The following RALGAPA1 variants were observed in gnomAD, a reference collection of about 807,000 sequenced individuals.
RALGAPA1 encodes the protein Ral GTPase activating protein catalytic subunit alpha 1, also known as ral GTPase-activating protein subunit alpha-1.
Under a neutral mutation model 269.6 loss-of-function variants are expected in RALGAPA1, and 52 were observed. The observed-to-expected ratio is 0.19, with a 90% CI of 0.15 to 0.24. The LOEUF is 0.24. Among genes scored for constraint, RALGAPA1 ranks in the 10% least tolerant of loss-of-function variants. The pLI is 1.00. For missense variants in RALGAPA1, 1,917 were observed against 3,013.9 expected, an observed-to-expected ratio of 0.64 and a Z score of 8.52; for synonymous variants, 817 against 1,008.3, an observed-to-expected ratio of 0.81 and a Z score of 3.60.
chr14:35,708,374 T>C (rs561403833), intron 16 of RALGAPA1, among the ~76,000 whole-genome samples: 14 of 152,120 alleles, frequency 9.2e-5, no homozygotes, highest in African/African-American at 3.4e-4. Context: ...GATTAATAAC[T>C]AGAATACACA....
chr14:35,549,087 C>A, intron 40 of RALGAPA1, 23 bp downstream of exon 40: 1 of 1,608,456 alleles, frequency 6.2e-7, no homozygotes. Flanking sequence ...TAACAAGTAA[C>A]TAATACTCGC....
At position 35,689,696 on chromosome 14, in the gene RALGAPA1, A is replaced by G; in HGVS notation, c.2715T>C (p.Asp905=). The change falls in exon 18 of 42, where the codon GAT becomes GAC. Residue 905 remains aspartate, a synonymous_variant. Transcript: ENST00000680220. ...HSRESSLEVG[D]SIYDHLCHLI... is the part of the protein sequence containing the mutation. Reference sequence around the variant, plus strand: ...AATGACAAAGATGGTCATATATGCTATCACCAACTTCCAGAGAAGACTCTC... The same window carrying G: ...AATGACAAAGATGGTCATATATGCTGTCACCAACTTCCAGAGAAGACTCTC... 1 of 1,401,244 alleles carries G rather than the reference A, an allele frequency of 7.1e-7. No individual in the cohort carries two copies. The highest frequency in any genetic ancestry group is 9.3e-7 in the Non-Finnish European group (1 of 1,079,004). 86.8% of individuals were successfully genotyped at this position (1,401,244 alleles called of 1,614,324 possible). A position where few individuals can be genotyped will look rare whatever the true frequency, so the allele number is the denominator to read the frequency against.
chr14:35,800,812 C>T (rs2141913363), intron 1 of RALGAPA1, among the ~76,000 whole-genome samples: 1 of 152,240 alleles, frequency 6.6e-6, no homozygotes, highest in Non-Finnish European at 1.5e-5. Flanking sequence ...TGAGACCAGC[C>T]TGGCCAACAA....
chr14:35,676,116 A>G (rs1413071300), intron 22 of RALGAPA1: 3 of 152,236 alleles, frequency 2.0e-5, no homozygotes, highest in African/African-American at 7.2e-5. Flanking sequence ...AAATACAATG[A>G]TAAATCAGCC....
chr14:35,720,563 T>C (rs371260716), intron 16 of RALGAPA1, among the ~76,000 whole-genome samples: 13 of 152,348 alleles, frequency 8.5e-5, no homozygotes, highest in African/African-American at 2.9e-4. Context: ...AACCTTGGAA[T>C]AACTTCAGGC....
rs148969403 is a variant in RALGAPA1 at position 35,728,920 on chromosome 14, A to T, written c.1588-410T>A. On this transcript the variant is annotated intron_variant, in intron 12 of 41. Coordinates refer to ENST00000680220, the MANE Select transcript of RALGAPA1 (RefSeq NM_001346249.2). ...AGGCTAATTTTTGTATTTTTACTAG[A>T]GGTAGGGTTTCACTATACTGGCCAG... Among the ~76,000 whole-genome samples, 202 of 152,076 alleles carry T rather than the reference A, an allele frequency of 1.3e-3. 1 individual carries two copies. Among genetic ancestry groups the T allele is most frequent in the African/African-American group, 4.6e-3 (192 of 41,484 alleles).
chr14:35,540,174 T>TAAACA (rs771885230), intron 41 of RALGAPA1, among the ~76,000 whole-genome samples: 15 of 152,028 alleles, frequency 9.9e-5, no homozygotes, highest in African/African-American at 3.4e-4. Context: ...GATGCCCTTA[T>TAAACA]AAACAAAACA....
intron 35 of RALGAPA1, among the ~76,000 whole-genome samples, chr14:35,605,968 G>A (rs1435362632): frequency 2.0e-5 from 3 of 152,138 alleles, no homozygotes; most frequent in East Asian, 3.8e-4. Flanking sequence ...GTTAGATGAA[G>A]GTAAGAAAGA....
Position 35,723,193 on chromosome 14 carries a change from C to T in RALGAPA1, c.1938G>A (p.Leu646=), listed in dbSNP as rs755305263. The change falls in exon 15 of 42, where the codon CTG becomes CTA. Residue 646 remains leucine, a synonymous_variant. Transcript: ENST00000680220. ...AATAGGTCAGCGATGACAATACTGA[C>T]AGTAAGTCATCCCAAAGTTCTCGGG... ...YISRELWDDL[L]SVLSSLTYWE... 9 of 1,613,736 alleles carry T rather than the reference C, an allele frequency of 5.6e-6. No individual in the cohort carries two copies. Among genetic ancestry groups the T allele is most frequent in the Non-Finnish European group, 7.6e-6 (9 of 1,179,706 alleles).
At chr14:35,808,166 G>A (rs1054738835) in intron 1 of RALGAPA1, among the ~76,000 whole-genome samples, 2 of 152,016 alleles carry the variant, frequency 1.3e-5, no homozygotes, top group African/African-American at 4.8e-5. Flanking sequence ...AGAAGCAAAG[G>A]ATGAGTTAAA....
chr14:35,621,898 G>A (rs1193101284), intron 35 of RALGAPA1, among the ~76,000 whole-genome samples: 7 of 152,164 alleles, frequency 4.6e-5, no homozygotes, highest in Admixed American at 2.0e-4. Context: ...AAACAGGAAC[G>A]CTTTTACACT....
intron 17 of RALGAPA1, among the ~76,000 whole-genome samples, chr14:35,694,865 T>G (rs1386621061): frequency 6.6e-6 from 1 of 151,938 alleles, no homozygotes; most frequent in South Asian, 2.1e-4. Flanking sequence ...CCACCTGAGG[T>G]CAAGAGTTCG....
chr14:35,572,490 A>G (rs983456140), intron 38 of RALGAPA1, 70 bp downstream of exon 38: 7 of 1,234,990 alleles, frequency 5.7e-6, no homozygotes, highest in Admixed American at 4.9e-5. Flanking sequence ...ATTCTGTAAC[A>G]TGGAAAGAAA....
At chr14:35,649,107 G>A (rs1322668024) in intron 31 of RALGAPA1, among the ~76,000 whole-genome samples, 1 of 152,092 alleles carries the variant, frequency 6.6e-6, no homozygotes, top group Non-Finnish European at 1.5e-5. Context: ...TTCTAATCAG[G>A]TATATAATTG....
chr14:35,740,605 A>G (rs2415301), intron 11 of RALGAPA1, among the ~76,000 whole-genome samples: 26,521 of 152,074 alleles, frequency 0.17, 4,278 homozygotes, highest in East Asian at 0.45. Context: ...TCAGGAGTTC[A>G]AGACCAGCTG....
rs778162321 is a variant in RALGAPA1 at position 35,756,928 on chromosome 14, T to C, written c.548-20A>G. On this transcript the variant is annotated intron_variant, in intron 6 of 41. Transcript: ENST00000680220. The stretch of plus-strand genomic sequence containing the variant: ...CTTGAGCTATCCAAAGACAAAAGAA[T>C]AGTATATAGTTACAAAACAAATTTA... 7 of 1,540,340 alleles carry C rather than the reference T, an allele frequency of 4.5e-6. 1 individual carries two copies. The Admixed American group carries it at 1.2e-4, about 26-fold the overall frequency.
At chr14:35,542,911 AT>A (rs1325581240) in intron 41 of RALGAPA1, among the ~76,000 whole-genome samples, 1 of 152,190 alleles carries the variant, frequency 6.6e-6, no homozygotes, top group African/African-American at 2.4e-5. Context: ...ATATATAGGG[AT>A]TATAAGAGGG....
intron 16 of RALGAPA1, 123 bp from the exon 17 acceptor site, chr14:35,700,425 A>G: frequency 1.5e-6 from 1 of 653,500 alleles, no homozygotes; most frequent in East Asian, 3.2e-5. Flanking sequence ...GGAAATTATA[A>G]ATTAAAACAT....
At chr14:35,574,023 T>C (rs910802756) in intron 37 of RALGAPA1, among the ~76,000 whole-genome samples, 2 of 152,194 alleles carry the variant, frequency 1.3e-5, no homozygotes, top group Admixed American at 1.3e-4. Context: ...AGCAGCCAGA[T>C]CTAATACTAA....
Sources: gnomAD v4.1 joint callset for allele counts (sites outside exome capture counted in the v4.1 genomes callset) on GRCh38, gnomAD v4.1.1 for gene constraint, MANE v1.5 for transcripts, NCBI Gene and HGNC (gene_info 2026-07-23, HGNC 2026-07-21) for gene names.